Variants in FILIP1 observed in about 807,000 individuals in gnomAD.
FILIP1 encodes the protein filamin A interacting protein 1, also known as filamin-A-interacting protein 1.
In FILIP1, 61 loss-of-function variants were observed where a neutral mutation model predicts 102.1. That is an observed-to-expected ratio of 0.60 (90% confidence interval 0.49 to 0.74). The LOEUF is 0.74. Ranked by LOEUF, FILIP1 falls within the 30% of genes least tolerant of loss-of-function variation. The pLI is 0.00. For missense variants in FILIP1, 1,314 were observed against 1,441.2 expected (o/e 0.91, Z 1.43); for synonymous variants, 491 against 526.9 (o/e 0.93, Z 0.93).
chr6:75,328,545 G>A (rs567804636), intron 4 of FILIP1, among the ~76,000 whole-genome samples: 10 of 152,330 alleles, frequency 6.6e-5, no homozygotes, highest in Admixed American at 3.3e-4. Context: ...CCAGGCTGGA[G>A]TGCAGTGACA....
intron 2 of FILIP1, chr6:75,384,783 A>C (rs1184346157): frequency 6.6e-6 from 1 of 151,718 alleles, no homozygotes; most frequent in Non-Finnish European, 1.5e-5. Flanking sequence ...AACAACAAAA[A>C]AATTTAATTG....
At chr6:75,363,118 C>A in intron 2 of FILIP1, 2 of 471,766 alleles carry the variant, frequency 4.2e-6, no homozygotes, top group South Asian at 4.3e-5. Context: ...TGCTAGGAAG[C>A]AGGCAAGCAG....
intron 4 of FILIP1, among the ~76,000 whole-genome samples, chr6:75,350,400 G>GTTTTTTT (rs10602538): frequency 7.3e-6 from 1 of 136,442 alleles, no homozygotes; most frequent in Non-Finnish European, 1.6e-5. Flanking sequence ...TTTTTTTAAA[G>GTTTTTTT]TTTTTTTTTT....
chr6:75,345,845 C>T (rs1774563019), intron 4 of FILIP1, among the ~76,000 whole-genome samples: 1 of 152,124 alleles, frequency 6.6e-6, no homozygotes, highest in Admixed American at 6.5e-5. Context: ...CCTCTTGGCA[C>T]AAGATGAGGA....
At chr6:75,372,727 A>G (rs1323639165) in intron 2 of FILIP1, among the ~76,000 whole-genome samples, 12 of 60,374 alleles carry the variant, frequency 2.0e-4, no homozygotes, top group African/African-American at 1.0e-3. Flanking sequence ...AGAAAGAGAA[A>G]GAGAAAGAAA....
intron 1 of FILIP1, among the ~76,000 whole-genome samples, chr6:75,447,089 A>G (rs529409198): frequency 1.3e-5 from 2 of 152,300 alleles, no homozygotes; most frequent in African/African-American, 4.8e-5. Flanking sequence ...CAAAACCGAA[A>G]AAGAAACGAT....
At position 75,314,341 on chromosome 6, in the gene FILIP1, A is replaced by T; in HGVS notation, c.1491T>A (p.Asp497Glu). 2 of 1,518,952 alleles carry T rather than the reference A, an allele frequency of 1.3e-6. No homozygotes were observed. Among genetic ancestry groups the T allele is most frequent in the South Asian group, 1.4e-5 (1 of 73,182 alleles). The allele number at this position is 1,518,952 out of a possible 1,614,324, so 94.1% of individuals were successfully genotyped here. A position where few individuals can be genotyped will look rare whatever the true frequency, so the allele number is the denominator to read the frequency against. Residue 497 changes from aspartate to glutamate, a missense_variant, in exon 5 of 6, where the codon GAT becomes GAA. By Grantham distance (45) the Asp-to-Glu change is conservative. Coordinates refer to ENST00000237172, the MANE Select transcript of FILIP1 (RefSeq NM_015687.5). ...CGGTAAATGACTTCAACTTGGTAAG[A>T]TCATCTTTTAGGCTTAATTCAGCCT... ...LEKAELSLKD[D>E]LTKLKSFTVM...
intron 1 of FILIP1, among the ~76,000 whole-genome samples, chr6:75,439,803 C>T (rs1017459867): frequency 3.9e-5 from 6 of 152,192 alleles, no homozygotes; most frequent in Admixed American, 6.5e-5. Context: ...TTGGTAAGTT[C>T]TTCCTAACAC....
At chr6:75,428,720 A>G (rs886919360) in intron 1 of FILIP1, among the ~76,000 whole-genome samples, 6 of 152,226 alleles carry the variant, frequency 3.9e-5, no homozygotes, top group Admixed American at 2.6e-4. Context: ...CCACATTATC[A>G]TTCATTTTCC....
chr6:75,442,506 C>T (rs998758471), intron 1 of FILIP1, among the ~76,000 whole-genome samples: 6 of 152,166 alleles, frequency 3.9e-5, no homozygotes, highest in Admixed American at 3.3e-4. Context: ...AATCCCGGCA[C>T]CTCGGGAGGC....
chr6:75,397,544 ACAC>A (rs1776506290), intron 2 of FILIP1, among the ~76,000 whole-genome samples: 1 of 12,900 alleles, frequency 7.8e-5, no homozygotes, highest in Admixed American at 4.3e-4. Context: ...TAAGACACAC[ACAC>A]ACACACACAC....
intron 4 of FILIP1, among the ~76,000 whole-genome samples, chr6:75,326,969 A>G (rs1416063697): frequency 6.6e-6 from 1 of 152,222 alleles, no homozygotes; most frequent in Non-Finnish European, 1.5e-5. Flanking sequence ...AAATAGGTCA[A>G]TGCACAGAGC....
intron 2 of FILIP1, chr6:75,385,544 T>C (rs1776062485): frequency 6.6e-6 from 1 of 152,188 alleles, no homozygotes; most frequent in East Asian, 1.9e-4. Context: ...TTAAAATATC[T>C]GATGCAATGT....
At chr6:75,336,586 T>C (rs1242995187) in intron 4 of FILIP1, among the ~76,000 whole-genome samples, 7 of 152,146 alleles carry the variant, frequency 4.6e-5, no homozygotes, top group Non-Finnish European at 1.0e-4. Flanking sequence ...TTGCTTCTAG[T>C]GATTCAAACT....
At chr6:75,319,372 A>G (rs1183109276) in intron 4 of FILIP1, 2 of 626,180 alleles carry the variant, frequency 3.2e-6, no homozygotes. Flanking sequence ...GCCGAAGGAG[A>G]GCTCTTGGGT....
Position 75,414,737 on chromosome 6 carries a change from T to A in FILIP1, c.236A>T (p.Asp79Val). 1 of 1,613,794 alleles carries A rather than the reference T, an allele frequency of 6.2e-7. No homozygotes were observed. The highest frequency in any genetic ancestry group is 8.5e-7 in the Non-Finnish European group (1 of 1,179,774). The change falls in exon 2 of 6, where the codon GAC (aspartate) becomes GTC (valine). Residue 79 changes from aspartate to valine, a missense_variant. Asp to Val is a radical substitution (Grantham distance 152). Transcript: ENST00000237172. ...TKKSLELSKE[D>V]LIQLLSIMEG... The stretch of plus-strand genomic sequence containing the variant: ...CATTATACTGAGTAGTTGGATGAGG[T>A]CTTCTTTGGATAACTCCAGGGATTT...
At chr6:75,374,554 T>C (rs1206816553) in intron 2 of FILIP1, among the ~76,000 whole-genome samples, 3 of 152,152 alleles carry the variant, frequency 2.0e-5, no homozygotes, top group African/African-American at 7.2e-5. Flanking sequence ...AATTTTTGTA[T>C]TTTTAGTAGA....
chr6:75,313,648 T>C lies in FILIP1; in HGVS notation c.2184A>G (p.Lys728=), dbSNP rs375456304. 1.3e-6 allele frequency: 2 copies of C among 1,588,534 alleles called. No homozygotes were observed. Among genetic ancestry groups the C allele is most frequent in the East Asian group, 2.2e-5 (1 of 44,820 alleles). Residue 728 remains lysine, a synonymous_variant, in exon 5 of 6, where the codon AAA becomes AAG. Transcript: ENST00000237172. This position sits in a 1 kb window ranked among gnomAD's most constrained non-coding sequence, Gnocchi z 4.2. ...RDLKAEVQAL[K]EKIHELMNKE... Reference sequence around the variant, plus strand: ...TGTTCATTAATTCGTGAATCTTCTCTTTAAGAGCTTGTACTTCGGCTTTTA... The same window carrying C: ...TGTTCATTAATTCGTGAATCTTCTCCTTAAGAGCTTGTACTTCGGCTTTTA...
intron 1 of FILIP1, among the ~76,000 whole-genome samples, chr6:75,442,019 G>T (rs1778271865): frequency 1.4e-5 from 2 of 147,886 alleles, no homozygotes; most frequent in Admixed American, 1.3e-4. Flanking sequence ...TGGGCGGAGG[G>T]GCTCCTCACT....
Sources: allele counts gnomAD v4.1 joint callset (sites outside exome capture counted in the v4.1 genomes callset), GRCh38; gene constraint gnomAD v4.1.1; non-coding constraint Gnocchi (gnomAD v3.1); transcripts MANE v1.5; gene names NCBI Gene and HGNC (gene_info 2026-07-23, HGNC 2026-07-21).